The following SCD5 variants were observed in gnomAD, a reference collection of about 807,000 sequenced individuals.
SCD5 encodes acyl-CoA-desaturase 4.
In SCD5, 20 loss-of-function variants were observed where a neutral mutation model predicts 30.4. The observed-to-expected ratio is 0.66, with a 90% CI of 0.46 to 0.96. SCD5 has a LOEUF of 0.96. Among genes scored for constraint, SCD5 ranks in the 40% least tolerant of loss-of-function variants. SCD5 has a pLI of 0.00. For missense variants in SCD5, 381 were observed against 443.3 expected (o/e 0.86, Z 1.26); for synonymous variants, 173 against 176.4 (o/e 0.98, Z 0.16).
At chr4:82,782,985 G>T (rs753703791) in intron 1 of SCD5, among the ~76,000 whole-genome samples, 19 of 152,246 alleles carry the variant, frequency 1.2e-4, no homozygotes, top group Non-Finnish European at 1.9e-4. Context: ...CCTGCTTCGG[G>T]GCCTGAATGT....
chr4:82,665,216 G>T, intron 3 of SCD5, among the ~76,000 whole-genome samples: 1 of 127,732 alleles, frequency 7.8e-6, no homozygotes, highest in Admixed American at 8.5e-5. Flanking sequence ...AAGCCTGAGT[G>T]ATGAGACCCT....
chr4:82,781,611 G>C (rs940952263), intron 1 of SCD5, among the ~76,000 whole-genome samples: 1 of 152,120 alleles, frequency 6.6e-6, no homozygotes, highest in African/African-American at 2.4e-5. Context: ...GGCCTAATGG[G>C]AGGTGTTTGG....
chr4:82,698,272 A>G (rs1030466560), intron 2 of SCD5, among the ~76,000 whole-genome samples: 5 of 152,126 alleles, frequency 3.3e-5, no homozygotes, highest in African/African-American at 1.2e-4. Context: ...AAGGTTAAGG[A>G]TTCCTGAGCT....
intron 1 of SCD5, among the ~76,000 whole-genome samples, chr4:82,717,947 T>C (rs1370877228): frequency 1.5e-5 from 2 of 132,806 alleles, no homozygotes; most frequent in African/African-American, 3.2e-5. Context: ...AAAAAGTTGG[T>C]CCCTCTGAAG....
rs147961232 is a variant in SCD5, at chr4:82,653,971, G to A, written c.570-17148C>T. ...CCTGCTCTGTCACCCAGGCTGGAGT[G>A]CAATGGCACAATCTGGGCTCACCGC... On this transcript the variant is annotated intron_variant, in intron 3 of 4. Transcript: ENST00000319540. 9.4e-4 allele frequency among the ~76,000 whole-genome samples: 143 copies of A among 151,530 alleles called. 2 individuals carry two copies. The East Asian group carries it at 0.015, about 16-fold the overall frequency.
chr4:82,778,890 G>C (rs1721809395), intron 1 of SCD5, among the ~76,000 whole-genome samples: 1 of 150,308 alleles, frequency 6.7e-6, no homozygotes, highest in African/African-American at 2.5e-5. Flanking sequence ...TTTTGAGATG[G>C]AGTTTCGCTC....
intron 2 of SCD5, among the ~76,000 whole-genome samples, chr4:82,682,964 C>T (rs1050814523): frequency 8.5e-5 from 13 of 152,096 alleles, no homozygotes; most frequent in African/African-American, 2.9e-4. Context: ...TATAAATGTG[C>T]GCCAACAAAT....
In SCD5 at chr4:82,758,873, C is replaced by T. The variant is rs550054821; in HGVS notation, c.232+39433G>A. ...GTCACTCATGCCTGGCTTCAGCTGT[C>T]ACAGCAGCAGAGGCGCCTCCCCCGC... On this transcript the variant is annotated intron_variant, in intron 1 of 4. Coordinates refer to ENST00000319540, the MANE Select transcript of SCD5 (RefSeq NM_001037582.3). Among the ~76,000 whole-genome samples, 251 of 152,334 alleles carry T rather than the reference C, an allele frequency of 1.6e-3. 2 individuals are homozygous for T. Among genetic ancestry groups the T allele is most frequent in the African/African-American group, 5.8e-3 (241 of 41,578 alleles).
At position 82,639,868 on chromosome 4, in the gene SCD5, C is replaced by G. The variant is rs577706061; in HGVS notation, c.570-3045G>C. Among the ~76,000 whole-genome samples, 116 of 152,338 alleles carry G rather than the reference C, an allele frequency of 7.6e-4. 1 individual carries two copies. The highest frequency in any genetic ancestry group is 2.7e-3 in the African/African-American group (113 of 41,588). ...CCAGGCCTTTCAAGAGAGCCTCTCC[C>G]AGTCCTGCTCTGAGCCACTGTCCCC... On this transcript the variant is annotated intron_variant, in intron 3 of 4. Transcript: ENST00000319540.
intron 1 of SCD5, among the ~76,000 whole-genome samples, chr4:82,791,290 G>A (rs1722094796): frequency 6.6e-6 from 1 of 152,014 alleles, no homozygotes; most frequent in Admixed American, 6.6e-5. Flanking sequence ...GCACTACTGT[G>A]AGGATCTCTC....
At chr4:82,762,125 G>T (rs1373034318) in intron 1 of SCD5, among the ~76,000 whole-genome samples, 1 of 141,174 alleles carries the variant, frequency 7.1e-6, no homozygotes, top group Non-Finnish European at 1.5e-5. Context: ...AGTGAGCCAA[G>T]ATCACGCCAC....
chr4:82,698,433 T>C (rs1342879223), intron 2 of SCD5, among the ~76,000 whole-genome samples: 1 of 152,156 alleles, frequency 6.6e-6, no homozygotes, highest in Non-Finnish European at 1.5e-5. Flanking sequence ...TGGGGGATGG[T>C]CTATTATCCT....
At chr4:82,783,695 T>C (rs1721927137) in intron 1 of SCD5, among the ~76,000 whole-genome samples, 2 of 151,358 alleles carry the variant, frequency 1.3e-5, no homozygotes, top group African/African-American at 4.9e-5. Context: ...CCCAGCTACT[T>C]GGCAGGCTGA....
chr4:82,631,392 G>C lies in SCD5; in HGVS notation c.928C>G (p.Arg310Gly). 1 of 1,614,034 alleles carries C rather than the reference G, an allele frequency of 6.2e-7. No individual in the cohort carries two copies. The highest frequency in any genetic ancestry group is 1.1e-5 in the South Asian group (1 of 91,074). ...FMCWLGLATD[R>G]KRATKPMIEA... The stretch of plus-strand genomic sequence containing the variant: ...ATCATCGGCTTGGTTGCCCGTTTGC[G>C]GTCAGTGGCCAGCCCCAGCCAGCAC... Residue 310 changes from arginine to glycine, a missense_variant, in exon 5 of 5, where the codon CGC becomes GGC. Arg to Gly is a moderately radical substitution (Grantham distance 125). Transcript: ENST00000319540.
At chr4:82,793,426 G>A (rs1037044991) in intron 1 of SCD5, among the ~76,000 whole-genome samples, 1 of 152,202 alleles carries the variant, frequency 6.6e-6, no homozygotes, top group Non-Finnish European at 1.5e-5. Flanking sequence ...AGAAGGGCAT[G>A]AAGGAGGGAG....
chr4:82,771,174 G>T (rs1721613325), intron 1 of SCD5, among the ~76,000 whole-genome samples: 1 of 152,074 alleles, frequency 6.6e-6, no homozygotes, highest in African/African-American at 2.4e-5. Context: ...TTGCCATATT[G>T]CCCAGACTGG....
intron 1 of SCD5, among the ~76,000 whole-genome samples, chr4:82,722,065 A>G (rs1356198820): frequency 1.3e-5 from 2 of 152,242 alleles, no homozygotes; most frequent in Non-Finnish European, 2.9e-5. Context: ...TATGGAACTA[A>G]GCAGTGTTTA....
chr4:82,781,277 G>A (rs1465190103), intron 1 of SCD5, among the ~76,000 whole-genome samples: 1 of 151,996 alleles, frequency 6.6e-6, no homozygotes, highest in East Asian at 1.9e-4. Flanking sequence ...TTAGTCAGGC[G>A]TGGCGGCGTG....
chr4:82,670,513 A>T (rs931038995), intron 3 of SCD5, among the ~76,000 whole-genome samples: 1 of 152,178 alleles, frequency 6.6e-6, no homozygotes, highest in Admixed American at 6.5e-5. Context: ...AGGCAGAAAA[A>T]GAATAAAAGA....
Sources: allele counts gnomAD v4.1 joint callset (sites outside exome capture counted in the v4.1 genomes callset), GRCh38; gene constraint gnomAD v4.1.1; transcripts MANE v1.5; gene names NCBI Gene and HGNC (gene_info 2026-07-23, HGNC 2026-07-21).